The following LAMA3 variants were observed in gnomAD, a reference collection of about 807,000 sequenced individuals.
LAMA3 encodes the protein laminin subunit alpha-3.
Under a neutral mutation model 402.0 loss-of-function variants are expected in LAMA3, and 281 were observed. The observed-to-expected ratio is 0.70, with a 90% confidence interval of 0.63 to 0.77. The LOEUF is 0.77. LAMA3 is among the 30% of genes least tolerant of loss of function. The probability of loss-of-function intolerance (pLI) is 0.00; values close to 1 mark genes in which losing one functional copy is unlikely to be tolerated. For missense variants in LAMA3, 3,840 were observed against 4,215.5 expected (o/e 0.91, Z 2.47); for synonymous variants, 1,431 against 1,558.4 (o/e 0.92, Z 1.93).
intron 8 of LAMA3, 62 bp downstream of exon 8, chr18:23,763,585 C>A (rs559454413): frequency 2.7e-5 from 27 of 1,015,122 alleles, no homozygotes; most frequent in Non-Finnish European, 3.9e-5. Flanking sequence ...TCAGTAAGCT[C>A]TGCTCCTGAA....
Position 23,847,089 on chromosome 18 carries a change from C to A in LAMA3, c.3932-375C>A, listed in dbSNP as rs146173724. Among the ~76,000 whole-genome samples, 912 of 152,334 alleles carry A rather than the reference C, an allele frequency of 6.0e-3. 9 individuals are homozygous for A. The highest frequency in any genetic ancestry group is 0.021 in the African/African-American group (856 of 41,584). On this transcript the variant is annotated intron_variant, in intron 31 of 74. Coordinates refer to ENST00000313654, the MANE Select transcript of LAMA3 (RefSeq NM_198129.4). ...ACCCTGCTGCCAGGTTGTGCCCTGA[C>A]CCTGGGCTCTGGACGCACAGGGTAC...
intron 12 of LAMA3, among the ~76,000 whole-genome samples, chr18:23,807,466 G>T (rs2062984666): frequency 6.6e-6 from 1 of 151,844 alleles, no homozygotes; most frequent in African/African-American, 2.4e-5. Flanking sequence ...GAGTGTGTGT[G>T]TGTGTGTGTG....
intron 56 of LAMA3, 83 bp downstream of exon 56, chr18:23,912,964 A>C: frequency 4.0e-6 from 5 of 1,241,678 alleles, no homozygotes; most frequent in Non-Finnish European, 4.7e-6. Context: ...GCACGGCTGC[A>C]TCACTGCCAT....
rs781428701 is a variant in LAMA3, at chr18:23,928,700, C to T, written c.8371C>T (p.Leu2791Phe). The T allele has an allele frequency of 9.9e-6, 16 of 1,613,706 alleles. No individual in the cohort carries two copies. Among genetic ancestry groups the T allele is most frequent in the Admixed American group, 3.3e-5 (2 of 60,010 alleles). The change falls in exon 64 of 75, where the codon CTC (leucine) becomes TTC (phenylalanine). Residue 2791 changes from leucine to phenylalanine, a missense_variant. Around this residue, in one of 3 missense-constraint regions of LAMA3, gnomAD observed 840 missense variants for 981.9 expected, o/e 0.86. Transcript: ENST00000313654. ...TTTGGGCTTACCACCTACTGACCAC[C>T]TCCAGGCCTCATTTGGATTTCAGAC... The part of the protein sequence containing the change: ...TDLGLPPTDH[L>F]QASFGFQTFQ...
At chr18:23,823,447 C>A (rs932075769) in intron 20 of LAMA3, among the ~76,000 whole-genome samples, 1 of 152,186 alleles carries the variant, frequency 6.6e-6, no homozygotes, top group Non-Finnish European at 1.5e-5. Flanking sequence ...CCTTGTCCTC[C>A]GGGACACCTT....
intron 8 of LAMA3, among the ~76,000 whole-genome samples, chr18:23,769,813 G>C (rs146920672): frequency 1.3e-5 from 2 of 152,090 alleles, no homozygotes; most frequent in Admixed American, 1.3e-4. Flanking sequence ...CAATTCAAAG[G>C]CAGAAGCAAT....
At chr18:23,905,732 A>G in intron 52 of LAMA3, 108 bp downstream of exon 52, 3 of 653,320 alleles carry the variant, frequency 4.6e-6, no homozygotes, top group Non-Finnish European at 8.5e-6. Flanking sequence ...TCTCAGTGTC[A>G]ATGCAGATGA....
intron 2 of LAMA3, among the ~76,000 whole-genome samples, chr18:23,737,709 C>T (rs2061499148): frequency 6.6e-6 from 1 of 152,224 alleles, no homozygotes; most frequent in African/African-American, 2.4e-5. Flanking sequence ...CTGCCCTGGC[C>T]CACAGCAGCA....
chr18:23,815,134 AG>A, intron 15 of LAMA3, 53 bp from the exon 16 acceptor site: 1 of 1,510,762 alleles, frequency 6.6e-7, no homozygotes, highest in Non-Finnish European at 9.2e-7. Context: ...TCCCAGAGCC[AG>A]GAACTGTCTT....
At chr18:23,907,488 A>T in intron 52 of LAMA3, 62 bp from the exon 53 acceptor site, 12 of 1,216,734 alleles carry the variant, frequency 9.9e-6, no homozygotes, top group Non-Finnish European at 1.3e-5. Flanking sequence ...AGGGGCCACA[A>T]ATACCAATGG....
At chr18:23,908,200 G>A (rs944782545) in intron 54 of LAMA3, among the ~76,000 whole-genome samples, 1 of 152,176 alleles carries the variant, frequency 6.6e-6, no homozygotes, top group African/African-American at 2.4e-5. Flanking sequence ...TCTAAATCAT[G>A]AGGCATTGAA....
chr18:23,873,284 GT>G, intron 38 of LAMA3: 1 of 1,365,176 alleles, frequency 7.3e-7, no homozygotes, highest in Non-Finnish European at 1.0e-6. Flanking sequence ...TTAAGTTACA[GT>G]TACGGTGATT....
intron 41 of LAMA3, among the ~76,000 whole-genome samples, chr18:23,889,407 A>T (rs181780075): frequency 9.2e-5 from 14 of 152,102 alleles, no homozygotes; most frequent in African/African-American, 2.2e-4. Context: ...ACTAAAAATT[A>T]AAAAATTAGC....
intron 12 of LAMA3, among the ~76,000 whole-genome samples, chr18:23,805,129 G>C (rs2062937143): frequency 6.6e-6 from 1 of 152,084 alleles, no homozygotes; most frequent in African/African-American, 2.4e-5. Context: ...AGGTGTGAAG[G>C]AAAAAAGCAT....
chr18:23,831,940 A>G (rs1392938227), intron 23 of LAMA3, among the ~76,000 whole-genome samples: 1 of 152,228 alleles, frequency 6.6e-6, no homozygotes, highest in East Asian at 1.9e-4. Context: ...TCACCTTTTT[A>G]AAGATAAATA....
At chr18:23,837,778 C>T (rs1250610867) in intron 25 of LAMA3, among the ~76,000 whole-genome samples, 1 of 151,772 alleles carries the variant, frequency 6.6e-6, no homozygotes, top group Non-Finnish European at 1.5e-5. Flanking sequence ...TGTGAAGCAA[C>T]TTCCTGTTAC....
intron 38 of LAMA3, chr18:23,872,885 T>A (rs1442718554): frequency 1.3e-6 from 1 of 760,276 alleles, no homozygotes; most frequent in Admixed American, 2.2e-5. Flanking sequence ...ATGTGCGCTC[T>A]GGCACAGGCT....
intron 69 of LAMA3, among the ~76,000 whole-genome samples, chr18:23,944,203 C>T (rs2082628246): frequency 2.0e-5 from 3 of 152,142 alleles, no homozygotes; most frequent in Non-Finnish European, 2.9e-5. Context: ...ATGCTTCTTC[C>T]ATCCCCTCCA....
chr18:23,949,935 G>T lies in LAMA3; in HGVS notation c.9511+11G>T. The T allele has an allele frequency of 1.2e-6, 2 of 1,614,080 alleles. No homozygotes were observed. The highest frequency in any genetic ancestry group is 1.7e-6 in the Non-Finnish European group (2 of 1,180,016). On this transcript the variant is annotated intron_variant, in intron 71 of 74. Coordinates refer to ENST00000313654, the MANE Select transcript of LAMA3 (RefSeq NM_198129.4). ...GTCATGTCGTCTTGGGTAAGGAGCA[G>T]TTCTATAGAATTTAAGTCTTTGCAT...
Sources: allele counts gnomAD v4.1 joint callset (sites outside exome capture counted in the v4.1 genomes callset), GRCh38; gene constraint gnomAD v4.1.1; regional missense constraint gnomAD v4.1.1; transcripts MANE v1.5; gene names NCBI Gene and HGNC (gene_info 2026-07-23, HGNC 2026-07-21).